LCLAT1: variants seen among roughly 807,000 people sequenced by gnomAD.
The protein encoded by LCLAT1 is lysocardiolipin acyltransferase 1, also known as 1-AGP acyltransferase 8.
Under a neutral mutation model 30.7 loss-of-function variants are expected in LCLAT1, and 11 were observed. The observed-to-expected ratio is 0.36, with a 90% confidence interval of 0.23 to 0.59. The LOEUF (loss-of-function observed/expected upper bound fraction) is 0.59, where lower values mean the gene tolerates loss of function less well. Ranked by LOEUF, LCLAT1 falls within the 20% of genes least tolerant of loss-of-function variation. The pLI is 0.77. For missense variants in LCLAT1, 402 were observed against 458.6 expected, an observed-to-expected ratio of 0.88 and a Z score of 1.13; for synonymous variants, 155 against 151.3, an observed-to-expected ratio of 1.02 and a Z score of -0.18.
intron 1 of LCLAT1, among the ~76,000 whole-genome samples, chr2:30,480,877 T>G (rs1683286267): frequency 6.6e-6 from 1 of 152,160 alleles, no homozygotes; most frequent in Non-Finnish European, 1.5e-5. Flanking sequence ...CTAGAGGGAA[T>G]GACAGGTGGA....
intron 5 of LCLAT1, among the ~76,000 whole-genome samples, chr2:30,580,765 G>C (rs979243778): frequency 6.6e-6 from 1 of 152,122 alleles, no homozygotes; most frequent in Non-Finnish European, 1.5e-5. Flanking sequence ...AAGGCAGGAG[G>C]CAAGGTTCAG....
At chr2:30,634,615 A>G (rs1036343715) in intron 5 of LCLAT1, among the ~76,000 whole-genome samples, 3 of 152,234 alleles carry the variant, frequency 2.0e-5, no homozygotes, top group African/African-American at 7.2e-5. Context: ...AAAATAAATA[A>G]TAATTTAAAG....
intron 3 of LCLAT1, among the ~76,000 whole-genome samples, chr2:30,547,117 C>G (rs972537579): frequency 5.3e-5 from 8 of 152,076 alleles, no homozygotes; most frequent in Non-Finnish European, 1.2e-4. Flanking sequence ...CCTTATTACC[C>G]AAAAGTAACA....
chr2:30,489,832 C>A (rs1461592000), intron 1 of LCLAT1, among the ~76,000 whole-genome samples: 1 of 152,236 alleles, frequency 6.6e-6, no homozygotes, highest in African/African-American at 2.4e-5. Flanking sequence ...TCTGTACAAG[C>A]AACCCACCAT....
chr2:30,584,026 C>T (rs1666318689), intron 5 of LCLAT1, among the ~76,000 whole-genome samples: 1 of 152,062 alleles, frequency 6.6e-6, no homozygotes, highest in Non-Finnish European at 1.5e-5. Flanking sequence ...CCTCCCCTCG[C>T]CCCCCACCTC....
chr2:30,486,476 C>A (rs1453953443), intron 1 of LCLAT1, among the ~76,000 whole-genome samples: 1 of 152,154 alleles, frequency 6.6e-6, no homozygotes, highest in East Asian at 1.9e-4. Flanking sequence ...TCTTGCTGCT[C>A]CCCAGAATAC....
chr2:30,506,753 C>T (rs1197418004), intron 1 of LCLAT1, among the ~76,000 whole-genome samples: 2 of 152,090 alleles, frequency 1.3e-5, no homozygotes, highest in Non-Finnish European at 2.9e-5. Context: ...GTAGATTGCA[C>T]AGAAAGGCTT....
intron 4 of LCLAT1, among the ~76,000 whole-genome samples, chr2:30,566,415 C>T (rs1665486800): frequency 1.3e-5 from 2 of 152,116 alleles, no homozygotes; most frequent in Admixed American, 1.3e-4. Flanking sequence ...AGGATATCCT[C>T]AAATGAATAT....
chr2:30,515,285 A>G (rs190826047), intron 1 of LCLAT1, among the ~76,000 whole-genome samples: 5 of 152,298 alleles, frequency 3.3e-5, no homozygotes, highest in Non-Finnish European at 5.9e-5. Flanking sequence ...CTATTACAGC[A>G]TGTATCACAG....
intron 5 of LCLAT1, among the ~76,000 whole-genome samples, chr2:30,578,788 T>C (rs1666096514): frequency 6.6e-6 from 1 of 152,190 alleles, no homozygotes; most frequent in Non-Finnish European, 1.5e-5. Context: ...TCATAATCTG[T>C]AATCCATAGT....
At chr2:30,576,358 G>A (rs1161518701) in intron 5 of LCLAT1, among the ~76,000 whole-genome samples, 1 of 152,126 alleles carries the variant, frequency 6.6e-6, no homozygotes. Context: ...GCAAAAGTGA[G>A]AGATAGAAAA....
At chr2:30,451,893 C>T (rs551624317) in intron 1 of LCLAT1, among the ~76,000 whole-genome samples, 14 of 151,936 alleles carry the variant, frequency 9.2e-5, no homozygotes, top group Middle Eastern at 6.8e-3. Flanking sequence ...ATTTATAAGA[C>T]GAAACACTGC....
At chr2:30,551,518 G>A (rs1487430629) in intron 3 of LCLAT1, among the ~76,000 whole-genome samples, 5 of 152,112 alleles carry the variant, frequency 3.3e-5, no homozygotes, top group Non-Finnish European at 7.4e-5. Context: ...CACTTACTAT[G>A]CTCTGTATGA....
chr2:30,550,761 C>T (rs1213829136), intron 3 of LCLAT1, among the ~76,000 whole-genome samples: 1 of 152,068 alleles, frequency 6.6e-6, no homozygotes, highest in Non-Finnish European at 1.5e-5. Context: ...CAAAGGCTGG[C>T]TGTTGGGGGA....
chr2:30,499,563 C>T (rs1386175656), intron 1 of LCLAT1, among the ~76,000 whole-genome samples: 1 of 152,096 alleles, frequency 6.6e-6, no homozygotes, highest in Admixed American at 6.5e-5. Context: ...AGTTTGCAAG[C>T]CAGTGGAGTA....
At chr2:30,470,115 G>GTAA (rs961170467) in intron 1 of LCLAT1, among the ~76,000 whole-genome samples, 1 of 152,094 alleles carries the variant, frequency 6.6e-6, no homozygotes, top group African/African-American at 2.4e-5. Flanking sequence ...TTTCGGGTGG[G>GTAA]GGTTACAGGG....
intron 5 of LCLAT1, among the ~76,000 whole-genome samples, chr2:30,594,585 G>T (rs945303801): frequency 4.6e-5 from 7 of 152,196 alleles, no homozygotes; most frequent in African/African-American, 1.7e-4. Context: ...GTGTATGTGT[G>T]TATACACACA....
intron 1 of LCLAT1, among the ~76,000 whole-genome samples, chr2:30,499,043 G>C (rs1684243079): frequency 6.6e-6 from 1 of 152,186 alleles, no homozygotes; most frequent in African/African-American, 2.4e-5. Flanking sequence ...TCTGATCTCT[G>C]TTACCTCATC....
chr2:30,563,878 C>A (rs1461999622), intron 4 of LCLAT1, among the ~76,000 whole-genome samples: 1 of 152,172 alleles, frequency 6.6e-6, no homozygotes, highest in East Asian at 1.9e-4. Context: ...CTATAGGTAG[C>A]AATGAAGGGA....
Sources: gnomAD v4.1 joint callset for allele counts (sites outside exome capture counted in the v4.1 genomes callset) on GRCh38, gnomAD v4.1.1 for gene constraint, MANE v1.5 for transcripts, NCBI Gene and HGNC (gene_info 2026-07-23, HGNC 2026-07-21) for gene names.